Variants in SLC22A23 observed in about 807,000 individuals in gnomAD.
SLC22A23 encodes the protein solute carrier family 22 member 23.
SLC22A23 carries 26 observed loss-of-function variants against 61.0 expected under a neutral mutation model. The observed-to-expected ratio is 0.43, with a 90% confidence interval of 0.31 to 0.59. The LOEUF is 0.59. Ranked by LOEUF, SLC22A23 falls within the 20% of genes least tolerant of loss-of-function variation. The pLI, the probability that SLC22A23 is intolerant of heterozygous loss-of-function variation, is 0.11. For synonymous variants in SLC22A23, 430 were observed against 413.9 expected, an observed-to-expected ratio of 1.04 and a Z score of -0.47; for missense variants, 796 against 934.7, an observed-to-expected ratio of 0.85 and a Z score of 1.94.
At position 3,391,364 on chromosome 6, in the gene SLC22A23, C is replaced by T. The variant is rs556465974; in HGVS notation, c.913+18824G>A. On this transcript the variant is annotated intron_variant, in intron 3 of 9. Transcript: ENST00000406686. The stretch of plus-strand genomic sequence containing the variant: ...GGTCATGAGGCTTTGTGAGAAATCT[C>T]AGCAAATTCCCTCTACTATTCAAAA... Among the ~76,000 whole-genome samples, 4 of 152,364 alleles carry T rather than the reference C, an allele frequency of 2.6e-5. No homozygotes were observed. In the South Asian group the frequency reaches 8.3e-4, roughly 32 times the overall value.
intron 3 of SLC22A23, among the ~76,000 whole-genome samples, chr6:3,378,544 G>A (rs1766731942): frequency 6.6e-6 from 1 of 151,986 alleles, no homozygotes; most frequent in Non-Finnish European, 1.5e-5. Flanking sequence ...ACTACTTGAA[G>A]GGCATTAGAC....
At chr6:3,380,598 T>A (rs1343939570) in intron 3 of SLC22A23, among the ~76,000 whole-genome samples, 1 of 152,014 alleles carries the variant, frequency 6.6e-6, no homozygotes, top group Admixed American at 6.6e-5. Flanking sequence ...ACACCCAAAG[T>A]CAACACTAAC....
At chr6:3,284,799 G>T in intron 8 of SLC22A23, 7 of 1,102,190 alleles carry the variant, frequency 6.4e-6, no homozygotes, top group Middle Eastern at 5.4e-4. Flanking sequence ...TTGGCGCCGG[G>T]CCAGGGCCTG....
intron 2 of SLC22A23, among the ~76,000 whole-genome samples, chr6:3,412,021 T>C (rs537370317): frequency 2.0e-4 from 31 of 152,176 alleles, no homozygotes; most frequent in Non-Finnish European, 3.5e-4. Flanking sequence ...GTCTGTGAAA[T>C]GGGGATAAGC....
intron 1 of SLC22A23, among the ~76,000 whole-genome samples, chr6:3,439,100 G>T (rs6906732): frequency 6.6e-6 from 1 of 151,762 alleles, no homozygotes; most frequent in African/African-American, 2.4e-5. Context: ...CAAACTTGCC[G>T]TATTTGGGGC....
chr6:3,446,077 C>T (rs560224554), intron 1 of SLC22A23, among the ~76,000 whole-genome samples: 6 of 152,262 alleles, frequency 3.9e-5, no homozygotes, highest in African/African-American at 1.4e-4. Context: ...TCCACCCATG[C>T]AAAGCCACAG....
chr6:3,410,093 C>A lies in SLC22A23; in HGVS notation c.913+95G>T. 2 of 1,415,184 alleles carry A rather than the reference C, an allele frequency of 1.4e-6. No individual in the cohort carries two copies. 87.7% of individuals were successfully genotyped at this position (1,415,184 alleles called of 1,614,324 possible). A position where few individuals can be genotyped will look rare whatever the true frequency, so the allele number is the denominator to read the frequency against. Reference sequence around the variant, plus strand: ...GTGTTTCCACAAAACTGCCAGCCCACACGAGCAGCATGCACAGTATCTTTC... The same window carrying A: ...GTGTTTCCACAAAACTGCCAGCCCAAACGAGCAGCATGCACAGTATCTTTC... On this transcript the variant is annotated intron_variant, in intron 3 of 9. Coordinates refer to ENST00000406686, the MANE Select transcript of SLC22A23 (RefSeq NM_015482.2). This position sits in a 1 kb window ranked among gnomAD's most constrained non-coding sequence, Gnocchi z 5.0.
At chr6:3,280,223 G>C (rs1020445666) in intron 9 of SLC22A23, among the ~76,000 whole-genome samples, 1 of 152,170 alleles carries the variant, frequency 6.6e-6, no homozygotes, top group Non-Finnish European at 1.5e-5. Context: ...GCCTAACAAG[G>C]TGCCTGTAGT....
intron 2 of SLC22A23, among the ~76,000 whole-genome samples, chr6:3,412,518 T>TC (rs1316728112): frequency 6.6e-6 from 1 of 152,194 alleles, no homozygotes; most frequent in Non-Finnish European, 1.5e-5. Context: ...AGAAACTGGC[T>TC]CCCAGGGCAG....
chr6:3,373,634 G>T (rs911376529), intron 3 of SLC22A23, among the ~76,000 whole-genome samples: 1 of 151,382 alleles, frequency 6.6e-6, no homozygotes, highest in African/African-American at 2.4e-5. Context: ...AGAAGAAGAA[G>T]AAAAAAAAGA....
In SLC22A23 at chr6:3,342,708, CAAA is replaced by C. The variant is rs1429130740; in HGVS notation, c.914-18709_914-18707del. ...TCATCTGCCTGAAACTGCCATCGTA[CAAA>C]TAACACCTTCACATTAGTGCTGGGG... On this transcript the variant is annotated intron_variant, in intron 3 of 9. Coordinates refer to ENST00000406686, the MANE Select transcript of SLC22A23 (RefSeq NM_015482.2). The surrounding 1 kb of genome is among the most constrained non-coding windows in gnomAD (Gnocchi z 4.0). Among the ~76,000 whole-genome samples, 3 of 152,182 alleles carry C rather than the reference CAAA, an allele frequency of 2.0e-5. No individual in the cohort carries two copies. Among genetic ancestry groups the C allele is most frequent in the African/African-American group, 7.2e-5 (3 of 41,436 alleles).
intron 3 of SLC22A23, among the ~76,000 whole-genome samples, chr6:3,393,187 C>A (rs1309645219): frequency 6.6e-6 from 1 of 152,080 alleles, no homozygotes; most frequent in Non-Finnish European, 1.5e-5. Flanking sequence ...ACCTGAGCAG[C>A]GGGGGTGACG....
chr6:3,350,342 C>A (rs1764692243), intron 3 of SLC22A23, among the ~76,000 whole-genome samples: 1 of 152,204 alleles, frequency 6.6e-6, no homozygotes, highest in Non-Finnish European at 1.5e-5. Context: ...GTACAATGCA[C>A]TGCCTGATTT....
Position 3,335,043 on chromosome 6 carries a change from T to C in SLC22A23, c.914-11041A>G, listed in dbSNP as rs13216556. On this transcript the variant is annotated intron_variant, in intron 3 of 9. Coordinates refer to ENST00000406686, the MANE Select transcript of SLC22A23 (RefSeq NM_015482.2). ...CAATAAAAAGAAAAGTTGAGGCTGA[T>C]AGAACGTACAGCAGTTAAAATCAGC... Among the ~76,000 whole-genome samples, 808 of 152,330 alleles carry C rather than the reference T, an allele frequency of 5.3e-3. 2 individuals are homozygous for C. Among genetic ancestry groups the C allele is most frequent in the African/African-American group, 0.016 (668 of 41,568 alleles).
In SLC22A23 at chr6:3,414,860, C is replaced by T. The variant is rs796674241; in HGVS notation, c.758+892G>A. Among the ~76,000 whole-genome samples the T allele has an allele frequency of 3.3e-5, 5 of 152,168 alleles. No homozygotes were observed. Among genetic ancestry groups the T allele is most frequent in the African/African-American group, 9.6e-5 (4 of 41,524 alleles). On this transcript the variant is annotated intron_variant, in intron 2 of 9. Transcript: ENST00000406686. The surrounding 1 kb of genome is among the most constrained non-coding windows in gnomAD (Gnocchi z 5.1). ...TTGTGCAACTGCCTCCCTGCTTAGA[C>T]ACCTCACCGCTGCTGCCCCTGTGAC...
chr6:3,419,630 G>A (rs1286828790), intron 1 of SLC22A23, among the ~76,000 whole-genome samples: 1 of 152,172 alleles, frequency 6.6e-6, no homozygotes, highest in Non-Finnish European at 1.5e-5. Flanking sequence ...GTGTGATCTT[G>A]GAACCAGTGG....
chr6:3,313,841 G>A (rs1762490685), intron 4 of SLC22A23, among the ~76,000 whole-genome samples: 1 of 152,188 alleles, frequency 6.6e-6, no homozygotes, highest in South Asian at 2.1e-4. Context: ...CAAACATGGA[G>A]AAACCCTGTC....
chr6:3,334,944 G>A (rs1484946448), intron 3 of SLC22A23, among the ~76,000 whole-genome samples: 1 of 152,122 alleles, frequency 6.6e-6, no homozygotes, highest in East Asian at 1.9e-4. Context: ...GGCTCTCCGG[G>A]CCTCTCACCA....
intron 4 of SLC22A23, among the ~76,000 whole-genome samples, chr6:3,307,769 T>C (rs1328396709): frequency 6.6e-6 from 1 of 152,252 alleles, no homozygotes; most frequent in Non-Finnish European, 1.5e-5. Flanking sequence ...CGGGTTTGGC[T>C]ATGGAATTAA....
Sources: allele counts gnomAD v4.1 joint callset (sites outside exome capture counted in the v4.1 genomes callset), GRCh38; gene constraint gnomAD v4.1.1; non-coding constraint Gnocchi (gnomAD v3.1); transcripts MANE v1.5; gene names NCBI Gene and HGNC (gene_info 2026-07-23, HGNC 2026-07-21).